The following DNAH7 variants were observed in gnomAD, a reference collection of about 807,000 sequenced individuals.
DNAH7 encodes dynein axonemal heavy chain 7.
A neutral mutation model predicts 444.6 loss-of-function variants in DNAH7; 397 were observed. The ratio of observed to expected loss-of-function variants is 0.89; its 90% CI spans 0.82 to 0.97. The LOEUF (loss-of-function observed/expected upper bound fraction) is 0.97. Ranked by LOEUF, DNAH7 falls within the 50% of genes least tolerant of loss-of-function variation. The probability of loss-of-function intolerance (pLI) is 0.00; values close to 1 mark genes in which losing one functional copy is unlikely to be tolerated. For synonymous variants in DNAH7, 1,636 were observed against 1,624.4 expected, an observed-to-expected ratio of 1.01 and a Z score of -0.17; for missense variants, 4,902 against 4,800.8, an observed-to-expected ratio of 1.02 and a Z score of -0.62.
At chr2:195,746,146 G>C (rs1445505109) in intron 63 of DNAH7, among the ~76,000 whole-genome samples, 1 of 152,154 alleles carries the variant, frequency 6.6e-6, no homozygotes, top group Non-Finnish European at 1.5e-5. Context: ...TAAAAGGATG[G>C]AGGAAGATCT....
At chr2:195,933,667 C>A (rs970488004) in intron 21 of DNAH7, among the ~76,000 whole-genome samples, 2 of 146,086 alleles carry the variant, frequency 1.4e-5, no homozygotes, top group African/African-American at 5.1e-5. Flanking sequence ...CCAAACACCG[C>A]ATGTTCTCAC....
At chr2:195,852,465 C>T (rs1447170265) in intron 46 of DNAH7, among the ~76,000 whole-genome samples, 1 of 152,118 alleles carries the variant, frequency 6.6e-6, no homozygotes. Flanking sequence ...CTGAATTCCT[C>T]CCTTCTTTTA....
chr2:196,049,797 C>G (rs1298934691), intron 3 of DNAH7, among the ~76,000 whole-genome samples: 3 of 152,114 alleles, frequency 2.0e-5, no homozygotes, highest in Non-Finnish European at 4.4e-5. Context: ...TGCGTCTCAG[C>G]CATAGATATT....
chr2:195,754,666 A>G, intron 62 of DNAH7, 152 bp from the exon 63 acceptor site: 1 of 693,782 alleles, frequency 1.4e-6, no homozygotes, highest in Admixed American at 3.1e-5. Context: ...ACATACCACC[A>G]TGCCTGGCTA....
At chr2:195,995,195 T>C (rs1230335389) in intron 12 of DNAH7, 2 of 358,204 alleles carry the variant, frequency 5.6e-6, no homozygotes, top group Non-Finnish European at 1.1e-5. Context: ...CCCAAAGTGC[T>C]GGGATTACAG....
At chr2:195,950,306 G>C (rs1690132057) in intron 19 of DNAH7, among the ~76,000 whole-genome samples, 1 of 152,074 alleles carries the variant, frequency 6.6e-6, no homozygotes, top group Admixed American at 6.6e-5. Context: ...TCTATTCAGG[G>C]ATTCAACTTC....
chr2:196,024,395 T>G, intron 8 of DNAH7, 34 bp downstream of exon 8: 1 of 1,436,588 alleles, frequency 7.0e-7, no homozygotes, highest in African/African-American at 1.5e-5. Flanking sequence ...AATGGTCACA[T>G]AATCAACATT....
intron 54 of DNAH7, among the ~76,000 whole-genome samples, chr2:195,803,199 T>C (rs1696558121): frequency 6.6e-6 from 1 of 152,222 alleles, no homozygotes; most frequent in African/African-American, 2.4e-5. Context: ...GCTAACTTCA[T>C]GAAATTATAG....
At chr2:196,007,260 C>A (rs1040453553) in intron 10 of DNAH7, among the ~76,000 whole-genome samples, 3 of 152,078 alleles carry the variant, frequency 2.0e-5, no homozygotes, top group African/African-American at 7.2e-5. Context: ...ATAGAGAGCC[C>A]AGAAATAAAC....
chr2:195,903,283 G>C (rs1686817775), intron 27 of DNAH7: 1 of 152,092 alleles, frequency 6.6e-6, no homozygotes, highest in Non-Finnish European at 1.5e-5. Context: ...TTACTTTTAA[G>C]GAACTGCAAA....
rs975642570 is a variant in DNAH7, at chr2:195,879,364, G to A, written c.5961+2431C>T. Among the ~76,000 whole-genome samples, 6 of 152,252 alleles carry A rather than the reference G, an allele frequency of 3.9e-5. No homozygotes were observed. In the East Asian group the frequency reaches 9.6e-4, roughly 24 times the overall value. ...GACAATTAATAGAGTATGGTTCTGT[G>A]TATTGCTTACGTCATATATAGAGAT... On this transcript the variant is annotated intron_variant, in intron 36 of 64. Coordinates refer to ENST00000312428, the MANE Select transcript of DNAH7 (RefSeq NM_018897.3).
intron 21 of DNAH7, 21 bp downstream of exon 21, chr2:195,934,570 A>G: frequency 1.2e-6 from 2 of 1,604,808 alleles, no homozygotes; most frequent in Non-Finnish European, 1.7e-6. Flanking sequence ...TTTTCTAAAA[A>G]TCATCAGTAT....
At position 195,740,920 on chromosome 2, in the gene DNAH7, T is replaced by C. The variant is rs1257715067; in HGVS notation, c.11765-51A>G. Reference sequence around the variant, plus strand: ...ATAACACTTGAAATATGCATTTTGATTGAGTTCTGAATCTGAAATTTCTAC... The same window carrying C: ...ATAACACTTGAAATATGCATTTTGACTGAGTTCTGAATCTGAAATTTCTAC... On this transcript the variant is annotated intron_variant, in intron 63 of 64. Transcript: ENST00000312428. 7 of 1,145,136 alleles carry C rather than the reference T, an allele frequency of 6.1e-6. No individual in the cohort carries two copies. The South Asian group carries it at 6.5e-5, about 11-fold the overall frequency. The allele number at this position is 1,145,136 out of a possible 1,614,324, so 70.9% of individuals were successfully genotyped here. A position where few individuals can be genotyped will look rare whatever the true frequency, so the allele number is the denominator to read the frequency against.
At chr2:195,952,738 T>G (rs1300750921) in intron 19 of DNAH7, among the ~76,000 whole-genome samples, 4 of 152,194 alleles carry the variant, frequency 2.6e-5, no homozygotes, top group African/African-American at 9.7e-5. Context: ...TTGATACTTG[T>G]GTATGGTTCA....
At chr2:196,051,572 C>T (rs1356918395) in intron 2 of DNAH7, among the ~76,000 whole-genome samples, 1 of 152,080 alleles carries the variant, frequency 6.6e-6, no homozygotes, top group Non-Finnish European at 1.5e-5. Context: ...TCGAGACCAT[C>T]CTGGCTAACA....
intron 62 of DNAH7, 76 bp downstream of exon 62, chr2:195,756,057 A>G: frequency 6.8e-7 from 1 of 1,467,764 alleles, no homozygotes; most frequent in Admixed American, 2.1e-5. Context: ...AGTAATACTC[A>G]TTACATTAAG....
At position 195,769,328 on chromosome 2, in the gene DNAH7, T is replaced by A. The variant is rs1694732351; in HGVS notation, c.11433+2332A>T. ...TCCTCCCAACTCAGCCTCCTAAAGT[T>A]CTCGTATTACATGTGTGAGCCACTG... On this transcript the variant is annotated intron_variant, in intron 61 of 64. Coordinates refer to ENST00000312428, the MANE Select transcript of DNAH7 (RefSeq NM_018897.3). Among the ~76,000 whole-genome samples, 5 of 150,436 alleles carry A rather than the reference T, an allele frequency of 3.3e-5. No homozygotes were observed. In the South Asian group the frequency reaches 1.1e-3, roughly 32 times the overall value.
chr2:195,852,187 G>A (rs1263081821), intron 46 of DNAH7, among the ~76,000 whole-genome samples: 2 of 152,116 alleles, frequency 1.3e-5, no homozygotes, highest in Admixed American at 1.3e-4. Context: ...GAACCCAGGA[G>A]GTGGAGCTTG....
Position 196,068,767 on chromosome 2 carries a change from AC to A in DNAH7, c.-57del, listed in dbSNP as rs1698576022. 1.9e-6 allele frequency: 3 copies of A among 1,545,726 alleles called. No homozygotes were observed. Among genetic ancestry groups the A allele is most frequent in the Non-Finnish European group, 2.6e-6 (3 of 1,144,984 alleles). ...CTTCTGGGTTGCTCCTGCCCGCGGA[AC>A]CCCTAGGACGATAGAGGCAGGGCCC... is the stretch of plus-strand genomic sequence containing the variant. On this transcript the variant is annotated 5_prime_UTR_variant, in exon 1 of 65. Coordinates refer to ENST00000312428, the MANE Select transcript of DNAH7 (RefSeq NM_018897.3).
Sources: gnomAD v4.1 joint callset for allele counts (sites outside exome capture counted in the v4.1 genomes callset) on GRCh38, gnomAD v4.1.1 for gene constraint, MANE v1.5 for transcripts, NCBI Gene and HGNC (gene_info 2026-07-23, HGNC 2026-07-21) for gene names.